The following PCDHGA9 variants were observed in gnomAD, a reference collection of about 807,000 sequenced individuals.
PCDHGA9 encodes protocadherin gamma-A9.
Under a neutral mutation model 62.5 loss-of-function variants are expected in PCDHGA9, and 37 were observed. That is an observed-to-expected ratio of 0.59 (90% CI 0.46 to 0.78). The LOEUF (loss-of-function observed/expected upper bound fraction) is 0.78. Among genes scored for constraint, PCDHGA9 ranks in the 30% least tolerant of loss-of-function variants. The pLI, the probability that PCDHGA9 is intolerant of heterozygous loss-of-function variation, is 0.00. For missense variants in PCDHGA9, 1,138 were observed against 1,166.2 expected (o/e 0.98, Z 0.35); for synonymous variants, 459 against 484.6 (o/e 0.95, Z 0.69).
rs978109236 is a variant in PCDHGA9, at chr5:141,418,889, A to G, written c.2424+13513A>G. 1.9e-6 allele frequency: 3 copies of G among 1,614,020 alleles called. No homozygotes were observed. The African/African-American group carries it at 4.0e-5, about 21-fold the overall frequency. On this transcript the variant is annotated intron_variant, in intron 1 of 3. Coordinates refer to ENST00000573521, the MANE Select transcript of PCDHGA9 (RefSeq NM_018921.3). Reference sequence around the variant, plus strand: ...AGAAGTTGTAGACGAAAACGACAACAGCCCAGAAATAATCATCACGTCACT... The same window carrying G: ...AGAAGTTGTAGACGAAAACGACAACGGCCCAGAAATAATCATCACGTCACT...
chr5:141,416,016 G>C (rs190922355), intron 1 of PCDHGA9: 29 of 227,390 alleles, frequency 1.3e-4, no homozygotes, highest in Non-Finnish European at 2.2e-4. Context: ...GAATAGGTAA[G>C]TATCAGAAAG....
Position 141,403,416 on chromosome 5 carries a change from C to T in PCDHGA9, c.464C>T (p.Pro155Leu). Residue 155 changes from proline to leucine, a missense_variant, in exon 1 of 4, where the codon CCA becomes CTA. Physicochemically the swap from Pro to Leu is moderately conservative, Grantham distance 98 (BLOSUM62 -3). Transcript: ENST00000573521. ...GTTCCTGGAGCACGTTATCCACTTC[C>T]AGAAGCTATTGATCCGGATGTTGGC... ...IAVPGARYPL[P>L]EAIDPDVGVN... The T allele has an allele frequency of 6.2e-7, 1 of 1,614,034 alleles. No individual in the cohort carries two copies. The highest frequency in any genetic ancestry group is 8.5e-7 in the Non-Finnish European group (1 of 1,179,904).
intron 1 of PCDHGA9, chr5:141,409,179 G>T (rs761754962): frequency 1.2e-5 from 20 of 1,613,988 alleles, no homozygotes; most frequent in Non-Finnish European, 1.6e-5. Context: ...GACGGAGGTG[G>T]TCTCTCTACC....
chr5:141,465,606 T>C (rs192541390), intron 1 of PCDHGA9, among the ~76,000 whole-genome samples: 22 of 152,338 alleles, frequency 1.4e-4, no homozygotes, highest in African/African-American at 5.3e-4. Context: ...TATCACTCTT[T>C]GGCCCTCCAG....
At chr5:141,463,412 A>G (rs1397215687) in intron 1 of PCDHGA9, among the ~76,000 whole-genome samples, 9 of 127,856 alleles carry the variant, frequency 7.0e-5, no homozygotes, top group Non-Finnish European at 1.5e-4. Flanking sequence ...TGGAGATCCT[A>G]GTTTGCGGAT....
At chr5:141,407,985 A>C in intron 1 of PCDHGA9, 6 of 789,616 alleles carry the variant, frequency 7.6e-6, no homozygotes, top group Non-Finnish European at 1.1e-5. Flanking sequence ...GGGATCCGTC[A>C]GCCTCTGGCC....
intron 1 of PCDHGA9, chr5:141,423,674 C>A (rs57195665): frequency 0.087 from 131,432 of 1,514,090 alleles, 6,254 homozygotes; most frequent in East Asian, 0.14. Flanking sequence ...AGATTTATTT[C>A]TCTGCCTCCT....
At chr5:141,442,445 T>A (rs2098325574) in intron 1 of PCDHGA9, 1 of 152,198 alleles carries the variant, frequency 6.6e-6, no homozygotes, top group South Asian at 2.1e-4. Flanking sequence ...CCCTCAGGAC[T>A]CAATAGCAGT....
chr5:141,442,343 G>A (rs1300318674), intron 1 of PCDHGA9: 1 of 152,336 alleles, frequency 6.6e-6, no homozygotes, highest in African/African-American at 2.4e-5. Context: ...CAGGTTTCTG[G>A]GTAACTGTAG....
intron 1 of PCDHGA9, among the ~76,000 whole-genome samples, chr5:141,469,568 T>C (rs942597017): frequency 6.6e-6 from 1 of 152,184 alleles, no homozygotes. Flanking sequence ...AGTGAGACTC[T>C]GTCTCTAAAT....
chr5:141,423,071 C>T, intron 1 of PCDHGA9: 2 of 1,614,120 alleles, frequency 1.2e-6, no homozygotes, highest in South Asian at 1.1e-5. Flanking sequence ...GCCAGCGAGC[C>T]GGGACTCTTC....
At chr5:141,413,697 T>G in intron 1 of PCDHGA9, 4 of 1,613,632 alleles carry the variant, frequency 2.5e-6, no homozygotes, top group Non-Finnish European at 3.4e-6. Flanking sequence ...TGCAGAGCTA[T>G]CAGCTCAGCC....
rs2099746025 is a variant in PCDHGA9 at position 141,493,066 on chromosome 5, T to C, written c.2425-1741T>C. On this transcript the variant is annotated intron_variant, in intron 1 of 3. Coordinates refer to ENST00000573521, the MANE Select transcript of PCDHGA9 (RefSeq NM_018921.3). This position sits in a 1 kb window ranked among gnomAD's most constrained non-coding sequence, Gnocchi z 4.3. ...AACTACAATAGTAAAAAACACAAGT[T>C]TCTCCAACTCCAGGAGCTTTTATTC... Among the ~76,000 whole-genome samples the C allele has an allele frequency of 6.6e-6, 1 of 152,202 alleles. No homozygotes were observed. Among genetic ancestry groups the C allele is most frequent in the East Asian group, 1.9e-4 (1 of 5,194 alleles).
In PCDHGA9 at chr5:141,408,945, G is replaced by A. The variant is rs1176579339; in HGVS notation, c.2424+3569G>A. 21 of 1,613,590 alleles carry A rather than the reference G, an allele frequency of 1.3e-5. No individual in the cohort carries two copies. In the East Asian group the frequency reaches 4.7e-4, roughly 36 times the overall value. Reference sequence around the variant, plus strand: ...CCGGTTTTCAGCAGAGACGAATATAGAATTAGTCTTAGTGAAAATCTGCCC... The same window carrying A: ...CCGGTTTTCAGCAGAGACGAATATAAAATTAGTCTTAGTGAAAATCTGCCC... On this transcript the variant is annotated intron_variant, in intron 1 of 3. Coordinates refer to ENST00000573521, the MANE Select transcript of PCDHGA9 (RefSeq NM_018921.3).
Position 141,490,479 on chromosome 5 carries a change from C to A in PCDHGA9, c.2425-4328C>A. 6.2e-7 allele frequency: 1 copy of A among 1,614,216 alleles called. No homozygotes were observed. Among genetic ancestry groups the A allele is most frequent in the South Asian group, 1.1e-5 (1 of 91,086 alleles). On this transcript the variant is annotated intron_variant, in intron 1 of 3. Transcript: ENST00000573521. The surrounding 1 kb of genome is among the most constrained non-coding windows in gnomAD (Gnocchi z 5.4). ...CGCTGCTAACCAGCCAGCCTTTGGA[C>A]CGGGAGGCCACATCCCACTATATCA...
chr5:141,500,340 C>T (rs188966393), intron 2 of PCDHGA9, among the ~76,000 whole-genome samples: 1 of 151,950 alleles, frequency 6.6e-6, no homozygotes, highest in East Asian at 1.9e-4. Flanking sequence ...TCCAGAATAG[C>T]TGGGACTACA....
intron 1 of PCDHGA9, among the ~76,000 whole-genome samples, chr5:141,437,236 C>A (rs2154557405): frequency 6.6e-6 from 1 of 152,278 alleles, no homozygotes; most frequent in South Asian, 2.1e-4. Context: ...AAAATTATGT[C>A]AAGGACTTTC....
chr5:141,481,030 C>A (rs1277171839), intron 1 of PCDHGA9, among the ~76,000 whole-genome samples: 1 of 152,024 alleles, frequency 6.6e-6, no homozygotes, highest in African/African-American at 2.4e-5. Context: ...TGCACTCCAG[C>A]CTGGGCGACA....
In PCDHGA9 at chr5:141,432,399, C is replaced by T. The variant is rs2097496727; in HGVS notation, c.2424+27023C>T. ...CACCCGCCCCTCAGCAGCAACGTGT[C>T]GTTGAGCCTGTTCGTGCTGGACCAG... is the stretch of plus-strand genomic sequence containing the variant. On this transcript the variant is annotated intron_variant, in intron 1 of 3. Coordinates refer to ENST00000573521, the MANE Select transcript of PCDHGA9 (RefSeq NM_018921.3). This position sits in a 1 kb window ranked among gnomAD's most constrained non-coding sequence, Gnocchi z 6.0. 1.2e-6 allele frequency: 2 copies of T among 1,614,240 alleles called. No homozygotes were observed. Among genetic ancestry groups the T allele is most frequent in the Non-Finnish European group, 1.7e-6 (2 of 1,180,040 alleles).
Sources: gnomAD v4.1 joint callset for allele counts (sites outside exome capture counted in the v4.1 genomes callset) on GRCh38, gnomAD v4.1.1 for gene constraint, Gnocchi (gnomAD v3.1) non-coding constraint, MANE v1.5 for transcripts, NCBI Gene and HGNC (gene_info 2026-07-23, HGNC 2026-07-21) for gene names.